ARHGEF2: variants seen among roughly 807,000 people sequenced by gnomAD.
ARHGEF2 encodes the protein rho guanine nucleotide exchange factor 2.
ARHGEF2 carries 22 observed loss-of-function variants against 121.0 expected under a neutral mutation model. The observed-to-expected ratio is 0.18, with a 90% CI of 0.13 to 0.26. ARHGEF2 has a LOEUF of 0.26. Ranked by LOEUF, ARHGEF2 falls within the 10% of genes least tolerant of loss-of-function variation. The probability of loss-of-function intolerance (pLI) is 1.00; values close to 1 mark genes in which losing one functional copy is unlikely to be tolerated. For missense variants in ARHGEF2, 907 were observed against 1,336.0 expected, an observed-to-expected ratio of 0.68 and a Z score of 5.01; for synonymous variants, 487 against 530.0, an observed-to-expected ratio of 0.92 and a Z score of 1.11.
In ARHGEF2 at chr1:155,962,574, T is replaced by C. The variant is rs1678190670; in HGVS notation, c.1101+19A>G. On this transcript the variant is annotated intron_variant, in intron 9 of 21. Transcript: ENST00000361247. This position sits in a 1 kb window ranked among gnomAD's most constrained non-coding sequence, Gnocchi z 5.8. ...GTGGGTTTGGGCCATGAGCATGGGA[T>C]CTGGAGAGGTCCGCTCACCCGGATG... 1.2e-6 allele frequency: 2 copies of C among 1,612,058 alleles called. No individual in the cohort carries two copies. The highest frequency in any genetic ancestry group is 1.7e-5 in the Admixed American group (1 of 59,946).
At chr1:155,958,204 C>A (rs1207429987) in intron 12 of ARHGEF2, 116 bp downstream of exon 12, 5 of 787,414 alleles carry the variant, frequency 6.3e-6, no homozygotes, top group Non-Finnish European at 8.5e-6. Context: ...GTAATAGTAA[C>A]AATTATAGCT....
intron 11 of ARHGEF2, among the ~76,000 whole-genome samples, chr1:155,960,710 AG>A (rs1335810972): frequency 6.6e-6 from 1 of 152,164 alleles, no homozygotes; most frequent in Non-Finnish European, 1.5e-5. Context: ...AAACCCAGGG[AG>A]CAGGGATTTC....
chr1:155,976,231 T>C (rs1681269828), intron 1 of ARHGEF2, among the ~76,000 whole-genome samples: 1 of 151,598 alleles, frequency 6.6e-6, no homozygotes, highest in Non-Finnish European at 1.5e-5. Context: ...CACCACAGTA[T>C]AAAAAGAAAG....
chr1:155,978,828 G>C (rs551449858), upstream of ARHGEF2: 1 of 977,250 alleles, frequency 1.0e-6, no homozygotes, highest in Admixed American at 6.1e-5. The surrounding 1 kb of genome is among the most constrained non-coding windows in gnomAD (Gnocchi z 4.1). Flanking sequence ...AGCCCTCGCC[G>C]GACCCAGGTT....
Position 155,950,204 on chromosome 1 carries a change from C to T in ARHGEF2, c.2887+95G>A. The T allele has an allele frequency of 6.9e-7, 1 of 1,455,084 alleles. No individual in the cohort carries two copies. Among genetic ancestry groups the T allele is most frequent in the Non-Finnish European group, 9.3e-7 (1 of 1,072,228 alleles). 90.1% of individuals were successfully genotyped at this position (1,455,084 alleles called of 1,614,324 possible). On this transcript the variant is annotated intron_variant, in intron 21 of 21. Transcript: ENST00000361247. This position sits in a 1 kb window ranked among gnomAD's most constrained non-coding sequence, Gnocchi z 5.2. ...CCCTCCCTAGAGTTACTACAAGCCT[C>T]ACAGGTCAGTTAGGGCCCATTTGGA... is the stretch of plus-strand genomic sequence containing the variant.
Position 155,951,057 on chromosome 1 carries a change from A to C in ARHGEF2, c.2475T>G (p.Gly825=), listed in dbSNP as rs1163826151. 6.3e-7 allele frequency: 1 copy of C among 1,599,938 alleles called. No homozygotes were observed. Among genetic ancestry groups the C allele is most frequent in the Non-Finnish European group, 8.5e-7 (1 of 1,175,210 alleles). ...QEELRRCRRL[G]EERATEAGSL... ...TGCCAGCTTCGGTTGCCCGTTCTTC[A>C]CCTAGCCGCCGGCAGCGCCGTAGCT... The change falls in exon 20 of 22, where the codon GGT becomes GGG. Residue 825 remains glycine, a synonymous_variant. Coordinates refer to ENST00000361247, the MANE Select transcript of ARHGEF2 (RefSeq NM_001162383.2). The surrounding 1 kb of genome is among the most constrained non-coding windows in gnomAD (Gnocchi z 5.1).
chr1:155,948,105 CA>C, intron 21 of ARHGEF2, 90 bp from the exon 22 acceptor site: 3 of 1,036,094 alleles, frequency 2.9e-6, no homozygotes, highest in Non-Finnish European at 4.3e-6. Flanking sequence ...TCTGCAGGCT[CA>C]GGGGGCTCTG....
intron 1 of ARHGEF2, chr1:155,972,357 G>A (rs1243127919): frequency 4.4e-6 from 2 of 457,092 alleles, no homozygotes; most frequent in Non-Finnish European, 8.8e-6. Context: ...AGCGACCCTG[G>A]CACTGCCTAG....
At chr1:155,969,993 C>T in intron 1 of ARHGEF2, 3 of 985,424 alleles carry the variant, frequency 3.0e-6, no homozygotes, top group Non-Finnish European at 3.6e-6. Context: ...AGCTAGCTGC[C>T]TTTGGGTCAC....
Position 155,951,042 on chromosome 1 carries a change from G to T in ARHGEF2, c.2490C>A (p.Thr830=). The T allele has an allele frequency of 1.9e-6, 3 of 1,602,104 alleles. No individual in the cohort carries two copies. The highest frequency in any genetic ancestry group is 2.6e-6 in the Non-Finnish European group (3 of 1,176,064). Residue 830 remains threonine (T), a synonymous_variant, in exon 20 of 22, where the codon ACC becomes ACA. Coordinates refer to ENST00000361247, the MANE Select transcript of ARHGEF2 (RefSeq NM_001162383.2). The surrounding 1 kb of genome is among the most constrained non-coding windows in gnomAD (Gnocchi z 5.1). ...RCRRLGEERA[T]EAGSLEARLR... ...GCCGGGCCTCCAGGCTGCCAGCTTC[G>T]GTTGCCCGTTCTTCACCTAGCCGCC...
intron 15 of ARHGEF2, 136 bp downstream of exon 15, chr1:155,952,492 G>T: frequency 9.0e-7 from 1 of 1,108,274 alleles, no homozygotes; most frequent in Non-Finnish European, 1.3e-6. Context: ...AACTGGCCCA[G>T]AAGAGGCACT....
At chr1:155,970,906 C>T in intron 1 of ARHGEF2, 1 of 986,406 alleles carries the variant, frequency 1.0e-6, no homozygotes, top group South Asian at 4.7e-5. Context: ...CCCTTCTCCC[C>T]TCATGCATCC....
rs1257257907 is a variant in ARHGEF2, at chr1:155,978,384, C to T, written c.44G>A (p.Ser15Asn). ...ESLTRARIDR[S>N]RELASKTREK... ...GCCCACCTTGCTCGCCAGCTCTCTG[C>T]TCCGGTCGATCCGCGCCCGCGTGAG... Residue 15 changes from serine to asparagine, a missense_variant, in exon 1 of 22, where the codon AGC becomes AAC. Physicochemically the swap from Ser to Asn is conservative, Grantham distance 46. Coordinates refer to ENST00000361247, the MANE Select transcript of ARHGEF2 (RefSeq NM_001162383.2). The surrounding 1 kb of genome is among the most constrained non-coding windows in gnomAD (Gnocchi z 4.1). 6.6e-7 allele frequency: 1 copy of T among 1,521,852 alleles called. No homozygotes were observed. Among genetic ancestry groups the T allele is most frequent in the African/African-American group, 1.4e-5 (1 of 71,988 alleles). The allele number at this position is 1,521,852 out of a possible 1,614,324, so 94.3% of individuals were successfully genotyped here. A position where few individuals can be genotyped will look rare whatever the true frequency, so the allele number is the denominator to read the frequency against.
intron 2 of ARHGEF2, among the ~76,000 whole-genome samples, 195 bp from the exon 3 acceptor site, chr1:155,967,082 A>G (rs918085195): frequency 1.3e-5 from 2 of 152,042 alleles, no homozygotes; most frequent in Non-Finnish European, 2.9e-5. Flanking sequence ...AAATGAAGTG[A>G]GGGGGGTATA....
intron 13 of ARHGEF2, 109 bp from the exon 14 acceptor site, chr1:155,955,078 G>A (rs1042248315): frequency 1.2e-6 from 1 of 857,872 alleles, no homozygotes; most frequent in South Asian, 1.6e-5. Flanking sequence ...CTTCTGATAA[G>A]ACTCCTCAGC....
At position 155,962,207 on chromosome 1, in the gene ARHGEF2, C is replaced by T. The variant is rs778354915; in HGVS notation, c.1117G>A (p.Ala373Thr). The T allele has an allele frequency of 1.6e-5, 26 of 1,613,792 alleles. No homozygotes were observed. The highest frequency in any genetic ancestry group is 1.6e-4 in the Middle Eastern group (1 of 6,082). ...TGTACCCCGTGCCGCTTGAGCACGG[C>T]GGGGCGGGTCACTTTCTACAAGGGA... Reference protein sequence around the residue: ...QQFIRKVTRPAVLKRHGVQEC... With the variant: ...QQFIRKVTRPTVLKRHGVQEC... Residue 373 changes from alanine to threonine, a missense_variant, in exon 10 of 22, where the codon GCC becomes ACC. Physicochemically the swap from Ala to Thr is moderately conservative, Grantham distance 58. Coordinates refer to ENST00000361247, the MANE Select transcript of ARHGEF2 (RefSeq NM_001162383.2). The surrounding 1 kb of genome is among the most constrained non-coding windows in gnomAD (Gnocchi z 5.8).
At position 155,951,628 on chromosome 1, in the gene ARHGEF2, G is replaced by A. The variant is rs955165591; in HGVS notation, c.2209-95C>T. 38 of 1,605,310 alleles carry A rather than the reference G, an allele frequency of 2.4e-5. No individual in the cohort carries two copies. The highest frequency in any genetic ancestry group is 5.5e-5 in the South Asian group (5 of 90,894). ...GGTGGGTGTGGGGACAGTAGGATCC[G>A]GAGACATACTTGAATGTAGACGCTT... On this transcript the variant is annotated intron_variant, in intron 18 of 21. Coordinates refer to ENST00000361247, the MANE Select transcript of ARHGEF2 (RefSeq NM_001162383.2). This position sits in a 1 kb window ranked among gnomAD's most constrained non-coding sequence, Gnocchi z 5.1.
chr1:155,976,401 T>A (rs1176961141), intron 1 of ARHGEF2, among the ~76,000 whole-genome samples: 2 of 151,344 alleles, frequency 1.3e-5, no homozygotes, highest in Non-Finnish European at 2.9e-5. Flanking sequence ...CTTTGCCCTC[T>A]CAGATCCACC....
At chr1:155,964,648 G>T (rs1284993743) in intron 7 of ARHGEF2, among the ~76,000 whole-genome samples, 2 of 151,970 alleles carry the variant, frequency 1.3e-5, no homozygotes, top group Admixed American at 1.3e-4. Flanking sequence ...AGCCGGGTAC[G>T]GTGGCTCACG....
Sources: allele counts gnomAD v4.1 joint callset (sites outside exome capture counted in the v4.1 genomes callset), GRCh38; gene constraint gnomAD v4.1.1; non-coding constraint Gnocchi (gnomAD v3.1); transcripts MANE v1.5; gene names NCBI Gene and HGNC (gene_info 2026-07-23, HGNC 2026-07-21).